Variants in CCDC178 observed in about 807,000 individuals in gnomAD.
The protein encoded by CCDC178 is coiled-coil domain containing 178.
In CCDC178, 126 loss-of-function variants were observed where a neutral mutation model predicts 117.4. The ratio of observed to expected loss-of-function variants is 1.07; its 90% CI spans 0.93 to 1.24. The LOEUF (loss-of-function observed/expected upper bound fraction) is 1.24, where lower values mean the gene tolerates loss of function less well. Ranked by LOEUF, CCDC178 falls within the 50% of genes most tolerant of loss-of-function variation. The pLI is 0.00. For missense variants in CCDC178, 1,030 were observed against 986.9 expected, an observed-to-expected ratio of 1.04 and a Z score of -0.59; for synonymous variants, 283 against 313.4, an observed-to-expected ratio of 0.90 and a Z score of 1.02.
intron 12 of CCDC178, among the ~76,000 whole-genome samples, chr18:33,280,666 C>T (rs1053958352): frequency 2.6e-5 from 4 of 151,982 alleles, no homozygotes; most frequent in East Asian, 1.9e-4. Flanking sequence ...ATGTTTATTG[C>T]GGCACTATTC....
chr18:33,232,874 A>T (rs1487618970), intron 15 of CCDC178, among the ~76,000 whole-genome samples: 1 of 152,196 alleles, frequency 6.6e-6, no homozygotes. Flanking sequence ...CAGAAGTCTC[A>T]TTAATTTTTA....
intron 2 of CCDC178, chr18:33,437,581 G>C (rs1365424757): frequency 6.6e-6 from 1 of 152,164 alleles, no homozygotes; most frequent in Admixed American, 6.5e-5. Flanking sequence ...CCCAGAAAGG[G>C]AGGCCAGAAG....
intron 21 of CCDC178, among the ~76,000 whole-genome samples, chr18:33,044,485 C>A (rs1289757225): frequency 1.3e-5 from 2 of 151,740 alleles, no homozygotes; most frequent in Non-Finnish European, 2.9e-5. Context: ...CATCTTACAC[C>A]AGTCAGAATG....
chr18:33,316,443 C>T (rs2062418644), intron 11 of CCDC178, among the ~76,000 whole-genome samples: 1 of 152,076 alleles, frequency 6.6e-6, no homozygotes, highest in Non-Finnish European at 1.5e-5. Flanking sequence ...TGCAGCCTGC[C>T]ATGCCTGAGC....
At position 33,168,048 on chromosome 18, in the gene CCDC178, CTG is replaced by C. The variant is rs1196995642; in HGVS notation, c.2238+43846_2238+43847del. Among the ~76,000 whole-genome samples, 12 of 152,172 alleles carry C rather than the reference CTG, an allele frequency of 7.9e-5. No homozygotes were observed. The South Asian group carries it at 2.5e-3, about 32-fold the overall frequency. ...CAATCCTATAGGTTGTCTGTTTACT[CTG>C]TGGATAGTTTCTTTTGTGCAGAATA... On this transcript the variant is annotated intron_variant, in intron 20 of 22. Coordinates refer to ENST00000383096, the MANE Select transcript of CCDC178 (RefSeq NM_001105528.4).
intron 20 of CCDC178, among the ~76,000 whole-genome samples, chr18:33,165,644 C>G (rs1204011821): frequency 1.3e-5 from 2 of 152,024 alleles, no homozygotes; most frequent in East Asian, 3.8e-4. Context: ...CATTTTCAAG[C>G]AAATGTATGT....
rs67153629 is a variant in CCDC178, at chr18:33,331,026, C to CTTTTTT, written c.879+2142_879+2147dup. 1.2e-3 allele frequency among the ~76,000 whole-genome samples: 54 copies of CTTTTTT among 45,050 alleles called. 7 individuals carry two copies. The highest frequency in any genetic ancestry group is 6.8e-3 in the African/African-American group (53 of 7,850). 29.6% of individuals were successfully genotyped at this position (45,050 alleles called of 152,430 possible). ...CCTGATAAGCTTTACACAAACATTG[C>CTTTTTT]TTTTTTTTTTTTTTTTTTTTTTTTT... is the stretch of plus-strand genomic sequence containing the variant. On this transcript the variant is annotated intron_variant, in intron 10 of 22. Transcript: ENST00000383096.
intron 21 of CCDC178, among the ~76,000 whole-genome samples, chr18:33,037,760 G>T (rs898465896): frequency 6.6e-6 from 1 of 151,730 alleles, no homozygotes; most frequent in African/African-American, 2.4e-5. Flanking sequence ...ATAAATTTTC[G>T]ACAGGAAAAC....
rs2057621544 is a variant in CCDC178, at chr18:33,101,225, T to C, written c.2239-8315A>G. Among the ~76,000 whole-genome samples, 3 of 151,438 alleles carry C rather than the reference T, an allele frequency of 2.0e-5. 1 individual carries two copies. The highest frequency in any genetic ancestry group is 2.0e-4 in the Admixed American group (3 of 15,148). On this transcript the variant is annotated intron_variant, in intron 20 of 22. Transcript: ENST00000383096. Reference sequence around the variant, plus strand: ...TAACTATTCCTATGCATTATAATCATTTAATTATATTTTAATTTGTTGATA... The same window carrying C: ...TAACTATTCCTATGCATTATAATCACTTAATTATATTTTAATTTGTTGATA...
intron 20 of CCDC178, among the ~76,000 whole-genome samples, chr18:33,156,256 T>C (rs915608560): frequency 3.3e-5 from 5 of 151,696 alleles, no homozygotes; most frequent in Non-Finnish European, 7.4e-5. Context: ...GCCCAGCTAA[T>C]TTTTTGTATT....
chr18:33,108,695 A>G (rs956663878), intron 20 of CCDC178, among the ~76,000 whole-genome samples: 1 of 151,670 alleles, frequency 6.6e-6, no homozygotes, highest in African/African-American at 2.4e-5. Flanking sequence ...ATATAGCTTA[A>G]TTGTATTATG....
At position 33,027,338 on chromosome 18, in the gene CCDC178, A is replaced by G. The variant is rs535421571; in HGVS notation, c.2389-52657T>C. Among the ~76,000 whole-genome samples, 13 of 151,850 alleles carry G rather than the reference A, an allele frequency of 8.6e-5. No homozygotes were observed. The South Asian group carries it at 2.3e-3, about 27-fold the overall frequency. ...AAGCTATACACAAAAGAGTAGCTAA[A>G]TAAAATCATTGTGGTATAAGAGATA... is the stretch of plus-strand genomic sequence containing the variant. On this transcript the variant is annotated intron_variant, in intron 21 of 22. Coordinates refer to ENST00000383096, the MANE Select transcript of CCDC178 (RefSeq NM_001105528.4).
At chr18:32,981,887 C>T (rs973186394) in intron 21 of CCDC178, among the ~76,000 whole-genome samples, 1 of 152,106 alleles carries the variant, frequency 6.6e-6, no homozygotes, top group African/African-American at 2.4e-5. Flanking sequence ...TAACTTATTT[C>T]ATATGAAATT....
At chr18:32,952,772 CTTTTT>C (rs112669320) in intron 22 of CCDC178, among the ~76,000 whole-genome samples, 1 of 130,066 alleles carries the variant, frequency 7.7e-6, no homozygotes. Flanking sequence ...ATTTTATAAA[CTTTTT>C]TTTTTTTTTT....
At chr18:33,382,920 G>A (rs75826860) in intron 5 of CCDC178, among the ~76,000 whole-genome samples, 1,561 of 152,252 alleles carry the variant, frequency 0.01, 34 homozygotes, top group African/African-American at 0.036. Flanking sequence ...GAGAACCACT[G>A]GCCTGAAATT....
At chr18:32,956,111 A>C (rs2054587943) in intron 22 of CCDC178, among the ~76,000 whole-genome samples, 2 of 152,260 alleles carry the variant, frequency 1.3e-5, no homozygotes, top group East Asian at 3.9e-4. Context: ...AATTTTACAA[A>C]TATTTTTAAG....
chr18:33,433,751 T>G (rs1348969434), intron 2 of CCDC178, among the ~76,000 whole-genome samples: 2 of 151,974 alleles, frequency 1.3e-5, no homozygotes, highest in Non-Finnish European at 2.9e-5. Flanking sequence ...CCTTAATAGC[T>G]TCCCACTCCA....
intron 12 of CCDC178, among the ~76,000 whole-genome samples, chr18:33,279,651 C>T (rs1484484417): frequency 1.3e-5 from 2 of 152,174 alleles, no homozygotes. Flanking sequence ...CCAAGTCAAT[C>T]CTAAGCCAAA....
intron 11 of CCDC178, among the ~76,000 whole-genome samples, chr18:33,314,729 C>G (rs146914589): frequency 2.0e-5 from 3 of 152,170 alleles, no homozygotes; most frequent in African/African-American, 7.2e-5. Context: ...TGGGGGAGAC[C>G]ACAAGATCAT....
Sources: gnomAD v4.1 joint callset for allele counts (sites outside exome capture counted in the v4.1 genomes callset) on GRCh38, gnomAD v4.1.1 for gene constraint, MANE v1.5 for transcripts, NCBI Gene and HGNC (gene_info 2026-07-23, HGNC 2026-07-21) for gene names.